TSHZ2: variants seen among roughly 807,000 people sequenced by gnomAD.
TSHZ2 encodes the protein teashirt homolog 2.
Under a neutral mutation model 74.4 loss-of-function variants are expected in TSHZ2, and 21 were observed. That is an observed-to-expected ratio of 0.28 (90% CI 0.20 to 0.41). The LOEUF is 0.41. TSHZ2 is among the 10% of genes least tolerant of loss of function. TSHZ2 has a pLI of 1.00. For synonymous variants in TSHZ2, 540 were observed against 515.3 expected (o/e 1.05, Z -0.65); for missense variants, 1,244 against 1,293.5 (o/e 0.96, Z 0.59).
chr20:53,191,614 G>T (rs950608367), intron 1 of TSHZ2, among the ~76,000 whole-genome samples: 2 of 152,206 alleles, frequency 1.3e-5, no homozygotes, highest in African/African-American at 4.8e-5. Flanking sequence ...AGTGAGCTGG[G>T]ATTGCACCAC....
In TSHZ2 at chr20:53,162,881, C is replaced by T. The variant is rs146211162; in HGVS notation, c.41-90618C>T. 3.4e-3 allele frequency among the ~76,000 whole-genome samples: 512 copies of T among 152,248 alleles called. 12 individuals carry two copies. In the East Asian group the frequency reaches 0.037, roughly 11 times the overall value. On this transcript the variant is annotated intron_variant, in intron 1 of 2. Coordinates refer to ENST00000371497, the MANE Select transcript of TSHZ2 (RefSeq NM_173485.6). ...TTGGAAGCAGGTTTAAAATGACCTT[C>T]GTCAGTTATAAATATAACATCTACT... is the stretch of plus-strand genomic sequence containing the variant.
intron 1 of TSHZ2, among the ~76,000 whole-genome samples, chr20:53,156,121 A>G (rs994104146): frequency 6.6e-6 from 1 of 152,122 alleles, no homozygotes; most frequent in African/African-American, 2.4e-5. Context: ...GTTGTCTCTA[A>G]TTAGCCAGAC....
intron 2 of TSHZ2, among the ~76,000 whole-genome samples, chr20:53,410,922 G>A (rs1486975908): frequency 6.6e-6 from 1 of 152,188 alleles, no homozygotes; most frequent in South Asian, 2.1e-4. Context: ...TGATCCACCT[G>A]CCTTGGCCTC....
In TSHZ2 at chr20:53,347,887, G is replaced by A. The variant is rs142632370; in HGVS notation, c.*8+91316G>A. Among the ~76,000 whole-genome samples the A allele has an allele frequency of 3.9e-5, 6 of 152,186 alleles. No individual in the cohort carries two copies. In the East Asian group the frequency reaches 1.2e-3, roughly 29 times the overall value. Reference sequence around the variant, plus strand: ...GCAATTCAGTGGCTTTTAGTACATTGACAATGTGTGCACCTATGCCACTAT... The same window carrying A: ...GCAATTCAGTGGCTTTTAGTACATTAACAATGTGTGCACCTATGCCACTAT... On this transcript the variant is annotated intron_variant, in intron 2 of 2. Coordinates refer to ENST00000371497, the MANE Select transcript of TSHZ2 (RefSeq NM_173485.6).
intron 1 of TSHZ2, among the ~76,000 whole-genome samples, chr20:53,240,176 T>C (rs1047643863): frequency 6.6e-6 from 1 of 152,176 alleles, no homozygotes; most frequent in African/African-American, 2.4e-5. Context: ...GAAAAACAAA[T>C]GGTAAAAACC....
chr20:53,092,832 A>G (rs930578930), intron 1 of TSHZ2, among the ~76,000 whole-genome samples: 2 of 152,146 alleles, frequency 1.3e-5, no homozygotes, highest in Admixed American at 6.5e-5. Context: ...GGATTGGCAA[A>G]CTTTTTCTGT....
chr20:53,287,008 A>C (rs995785943), intron 2 of TSHZ2, among the ~76,000 whole-genome samples: 2 of 152,070 alleles, frequency 1.3e-5, no homozygotes. Flanking sequence ...TTCATCATCT[A>C]GGGGACAAGG....
chr20:53,431,729 G>C (rs1039143436), intron 2 of TSHZ2, among the ~76,000 whole-genome samples: 1 of 152,108 alleles, frequency 6.6e-6, no homozygotes, highest in African/African-American at 2.4e-5. Flanking sequence ...GTGGAGCTGG[G>C]GATGGGAATG....
At chr20:53,472,627 A>C in intron 2 of TSHZ2, among the ~76,000 whole-genome samples, 1 of 151,930 alleles carries the variant, frequency 6.6e-6, no homozygotes, top group Non-Finnish European at 1.5e-5. Context: ...TGCTGCTTAG[A>C]AAGAGCTCCT....
chr20:53,420,170 A>C (rs895946001), intron 2 of TSHZ2, among the ~76,000 whole-genome samples: 1 of 152,234 alleles, frequency 6.6e-6, no homozygotes, highest in Non-Finnish European at 1.5e-5. Flanking sequence ...AGAACACAGA[A>C]AGAATCAAAT....
At chr20:53,279,215 A>C (rs1294058515) in intron 2 of TSHZ2, among the ~76,000 whole-genome samples, 1 of 152,216 alleles carries the variant, frequency 6.6e-6, no homozygotes, top group Non-Finnish European at 1.5e-5. Flanking sequence ...AAGAAAATCC[A>C]TGTATAAGTG....
intron 2 of TSHZ2, among the ~76,000 whole-genome samples, chr20:53,413,450 G>GCTA (rs1303371045): frequency 6.6e-6 from 1 of 152,238 alleles, no homozygotes; most frequent in Non-Finnish European, 1.5e-5. Flanking sequence ...GATCACGTGA[G>GCTA]CTACTAGCTT....
At chr20:53,381,070 G>A (rs957364035) in intron 2 of TSHZ2, among the ~76,000 whole-genome samples, 3 of 152,142 alleles carry the variant, frequency 2.0e-5, no homozygotes, top group Non-Finnish European at 2.9e-5. Context: ...ACTCATCCAC[G>A]AAATCTTGGT....
intron 1 of TSHZ2, among the ~76,000 whole-genome samples, chr20:53,220,544 C>A (rs1321649576): frequency 6.6e-6 from 1 of 152,166 alleles, no homozygotes; most frequent in African/African-American, 2.4e-5. Flanking sequence ...TTTATTGGGA[C>A]ACAGCTGTGC....
chr20:53,007,210 G>A (rs1982675300), intron 1 of TSHZ2, among the ~76,000 whole-genome samples: 1 of 152,190 alleles, frequency 6.6e-6, no homozygotes, highest in Non-Finnish European at 1.5e-5. Flanking sequence ...GCCTGGTGGA[G>A]TAAGGAGCTT....
chr20:53,363,475 G>T (rs1423386386), intron 2 of TSHZ2, among the ~76,000 whole-genome samples: 1 of 152,198 alleles, frequency 6.6e-6, no homozygotes, highest in Non-Finnish European at 1.5e-5. Flanking sequence ...TTTCCATGTG[G>T]CCCCTTCAGG....
intron 2 of TSHZ2, among the ~76,000 whole-genome samples, chr20:53,405,442 G>A (rs546408258): frequency 4.6e-5 from 7 of 152,036 alleles, no homozygotes; most frequent in African/African-American, 1.4e-4. Flanking sequence ...GGTAGAAAAC[G>A]AACTCCTTTG....
At chr20:53,466,478 A>G (rs902422514) in intron 2 of TSHZ2, among the ~76,000 whole-genome samples, 2 of 152,174 alleles carry the variant, frequency 1.3e-5, no homozygotes, top group African/African-American at 4.8e-5. Flanking sequence ...AGATGGGTTC[A>G]CTGTGAATCA....
chr20:53,355,974 A>G (rs1980831122), intron 2 of TSHZ2, among the ~76,000 whole-genome samples: 1 of 152,208 alleles, frequency 6.6e-6, no homozygotes, highest in African/African-American at 2.4e-5. Flanking sequence ...AAACTAGTGG[A>G]AGGCAAGGAT....
Sources: gnomAD v4.1 joint callset for allele counts (sites outside exome capture counted in the v4.1 genomes callset) on GRCh38, gnomAD v4.1.1 for gene constraint, MANE v1.5 for transcripts, NCBI Gene and HGNC (gene_info 2026-07-23, HGNC 2026-07-21) for gene names.